The following EML6 variants were observed in gnomAD, a reference collection of about 807,000 sequenced individuals.
EML6 encodes EMAP like 6.
In EML6, 154 loss-of-function variants were observed where a neutral mutation model predicts 240.1. The ratio of observed to expected loss-of-function variants is 0.64; its 90% CI spans 0.56 to 0.73. The LOEUF is 0.73. EML6 is among the 30% of genes least tolerant of loss of function. The pLI is 0.00. For synonymous variants in EML6, 1,148 were observed against 899.0 expected, an observed-to-expected ratio of 1.28 and a Z score of -4.95; for missense variants, 2,964 against 2,474.6, an observed-to-expected ratio of 1.20 and a Z score of -4.20.
chr2:54,962,675 C>G lies in EML6; in HGVS notation c.5121C>G (p.Asn1707Lys). 1 of 1,526,520 alleles carries G rather than the reference C, an allele frequency of 6.6e-7. No individual in the cohort carries two copies. The highest frequency in any genetic ancestry group is 1.3e-5 in the South Asian group (1 of 79,384). The allele number at this position is 1,526,520 out of a possible 1,614,324, so 94.6% of individuals were successfully genotyped here. Residue 1707 changes from asparagine to lysine, a missense_variant, in exon 36 of 42, where the codon AAC becomes AAG. Physicochemically the swap from Asn to Lys is moderately conservative, Grantham distance 94. Coordinates refer to ENST00000356458, the MANE Select transcript of EML6 (RefSeq NM_001039753.4). ...PSKDLFISASNDGTARIWDLA... is the reference protein window; with the variant it reads ...PSKDLFISASKDGTARIWDLA... ...AGGACCTCTTCATCTCTGCCAGCAA[C>G]GATGGCACAGCCCGGATCTGGGACC...
chr2:54,886,096 A>C (rs576663479), intron 17 of EML6, among the ~76,000 whole-genome samples: 9 of 150,502 alleles, frequency 6.0e-5, no homozygotes, highest in Non-Finnish European at 1.0e-4. Context: ...CCATCACCCA[A>C]CTGTGACAAT....
chr2:54,775,268 C>G (rs1473820198), intron 2 of EML6, among the ~76,000 whole-genome samples: 2 of 152,224 alleles, frequency 1.3e-5, no homozygotes, highest in Non-Finnish European at 2.9e-5. Flanking sequence ...CTCGCTAGGC[C>G]CTGCAGGCAC....
intron 24 of EML6, among the ~76,000 whole-genome samples, chr2:54,909,337 T>A (rs576440184): frequency 2.0e-4 from 30 of 152,208 alleles, no homozygotes; most frequent in Non-Finnish European, 3.5e-4. Context: ...CTAACTCCCT[T>A]TTTTCTTTTC....
At chr2:54,813,113 C>A in intron 2 of EML6, 119 bp from the exon 3 acceptor site, 2 of 720,986 alleles carry the variant, frequency 2.8e-6, no homozygotes, top group Non-Finnish European at 4.5e-6. Flanking sequence ...GGGGACAGTT[C>A]AGACTCTTTC....
rs142702519 is a variant in EML6, at chr2:54,740,372, C to T, written c.197+15114C>T. On this transcript the variant is annotated intron_variant, in intron 2 of 41. Coordinates refer to ENST00000356458, the MANE Select transcript of EML6 (RefSeq NM_001039753.4). ...AGTAGAATGCCCTTGAAACCAAGAA[C>T]AGAGAGAGTGTCAAGAAGATGCTCA... is the stretch of plus-strand genomic sequence containing the variant. 7.7e-4 allele frequency among the ~76,000 whole-genome samples: 117 copies of T among 152,170 alleles called. 3 individuals are homozygous for T. The East Asian group carries it at 0.022, about 28-fold the overall frequency.
chr2:54,931,106 C>T (rs550163025), intron 28 of EML6, among the ~76,000 whole-genome samples: 3,159 of 152,028 alleles, frequency 0.021, 59 homozygotes, highest in African/African-American at 0.072. Flanking sequence ...TACAGGCGCC[C>T]GCCACCATGC....
Position 54,871,555 on chromosome 2 carries a change from C to T in EML6, c.2294C>T (p.Ser765Leu), listed in dbSNP as rs1290092438. 18 of 1,551,604 alleles carry T rather than the reference C, an allele frequency of 1.2e-5. No individual in the cohort carries two copies. Among genetic ancestry groups the T allele is most frequent in the East Asian group, 4.9e-5 (2 of 40,930 alleles). Residue 765 changes from serine to leucine, a missense_variant, in exon 16 of 42, where the codon TCG (serine) becomes TTG (leucine). Transcript: ENST00000356458. Reference protein sequence around the residue: ...VWDTQTLKCLSLLKGQHQRGV... With the variant: ...VWDTQTLKCLLLLKGQHQRGV... ...GACACACAAACTCTAAAATGTTTGTCGCTGTTGAAAGGACAACATCAGAGA... is the reference window on the plus strand; with the variant it reads ...GACACACAAACTCTAAAATGTTTGTTGCTGTTGAAAGGACAACATCAGAGA...
chr2:54,923,712 G>A (rs1002231371), intron 26 of EML6, among the ~76,000 whole-genome samples: 109 of 152,072 alleles, frequency 7.2e-4, no homozygotes, highest in African/African-American at 2.5e-3. Flanking sequence ...AAAAGCTCAT[G>A]TACCTATATA....
intron 28 of EML6, among the ~76,000 whole-genome samples, chr2:54,945,432 A>C (rs2104463247): frequency 6.6e-6 from 1 of 152,082 alleles, no homozygotes; most frequent in African/African-American, 2.4e-5. Context: ...ACACGACTCA[A>C]AACAACTTCA....
intron 2 of EML6, among the ~76,000 whole-genome samples, chr2:54,810,379 T>C (rs1667774254): frequency 6.6e-6 from 1 of 152,178 alleles, no homozygotes; most frequent in African/African-American, 2.4e-5. Context: ...TTTGAAGACT[T>C]GTTGAAATCT....
chr2:54,937,553 TAAAAAAA>T (rs34682923), intron 28 of EML6, among the ~76,000 whole-genome samples: 26 of 68,208 alleles, frequency 3.8e-4, no homozygotes, highest in South Asian at 1.3e-3. Context: ...ACTCTGTCTT[TAAAAAAA>T]AAAAAAAAAA....
At chr2:54,860,703 C>T (rs1285668770) in intron 12 of EML6, among the ~76,000 whole-genome samples, 1 of 152,236 alleles carries the variant, frequency 6.6e-6, no homozygotes, top group Admixed American at 6.5e-5. Flanking sequence ...ATATGAATGT[C>T]TGTCTAGACC....
intron 25 of EML6, among the ~76,000 whole-genome samples, chr2:54,914,519 A>G (rs780438369): frequency 9.9e-5 from 15 of 151,430 alleles, no homozygotes; most frequent in Non-Finnish European, 1.8e-4. Context: ...AGGAAAATTC[A>G]TGTTATAATG....
chr2:54,745,021 G>A (rs1046796752), intron 2 of EML6, among the ~76,000 whole-genome samples: 1 of 151,858 alleles, frequency 6.6e-6, no homozygotes. Context: ...TGTGGGGTGC[G>A]GAGAAGAGGG....
intron 2 of EML6, among the ~76,000 whole-genome samples, chr2:54,783,055 C>T (rs899055626): frequency 7.2e-5 from 11 of 152,114 alleles, no homozygotes; most frequent in East Asian, 3.8e-4. Context: ...GAATATTCTA[C>T]GTGGTAGGGA....
In EML6 at chr2:54,964,061, A is replaced by G; in HGVS notation, c.5233A>G (p.Ile1745Val). 7 of 1,551,762 alleles carry G rather than the reference A, an allele frequency of 4.5e-6. No individual in the cohort carries two copies. Among genetic ancestry groups the G allele is most frequent in the South Asian group, 1.2e-5 (1 of 84,064 alleles). The change falls in exon 37 of 42, where the codon ATT (isoleucine) becomes GTT (valine). Residue 1745 changes from isoleucine to valine, a missense_variant. Physicochemically the swap from Ile to Val is conservative, Grantham distance 29. Coordinates refer to ENST00000356458, the MANE Select transcript of EML6 (RefSeq NM_001039753.4). ...AYSPDGEMVA[I>V]GMKNGEFVIL... ...CAGCCCTGATGGGGAGATGGTGGCC[A>G]TTGGCATGAAGAATGGAGAGTTTGT...
intron 16 of EML6, among the ~76,000 whole-genome samples, chr2:54,873,048 C>A (rs1016820362): frequency 1.4e-4 from 22 of 152,134 alleles, no homozygotes; most frequent in African/African-American, 4.8e-4. Context: ...ATAGAAGCTA[C>A]TAAAAAAAGT....
At chr2:54,892,338 A>G in intron 18 of EML6, 116 bp from the exon 19 acceptor site, 1 of 655,016 alleles carries the variant, frequency 1.5e-6, no homozygotes, top group Non-Finnish European at 2.7e-6. Context: ...ACTTTTAGAC[A>G]TCTTTACATA....
Position 54,948,544 on chromosome 2 carries a change from T to C in EML6, c.4005-338T>C, listed in dbSNP as rs998033872. Among the ~76,000 whole-genome samples, 3 of 152,222 alleles carry C rather than the reference T, an allele frequency of 2.0e-5. No individual in the cohort carries two copies. The South Asian group carries it at 6.2e-4, about 31-fold the overall frequency. On this transcript the variant is annotated intron_variant, in intron 28 of 41. Coordinates refer to ENST00000356458, the MANE Select transcript of EML6 (RefSeq NM_001039753.4). ...GGCCTCCCGCCCCTCATGGTCAGGC[T>C]TCTCCTTGGTTTTGAACCAAGCCCC...
Sources: allele counts gnomAD v4.1 joint callset (sites outside exome capture counted in the v4.1 genomes callset), GRCh38; gene constraint gnomAD v4.1.1; transcripts MANE v1.5; gene names NCBI Gene and HGNC (gene_info 2026-07-23, HGNC 2026-07-21).